Variants in C4orf51 observed in about 807,000 individuals in gnomAD.
C4orf51 encodes the protein uncharacterized protein C4orf51.
A neutral mutation model predicts 25.2 loss-of-function variants in C4orf51; 25 were observed. The ratio of observed to expected loss-of-function variants is 0.99; its 90% CI spans 0.72 to 1.39. The LOEUF (loss-of-function observed/expected upper bound fraction) is 1.39, where lower values mean the gene tolerates loss of function less well. C4orf51 is among the 40% of genes most tolerant of loss of function. C4orf51 has a pLI of 0.00. For synonymous variants in C4orf51, 100 were observed against 84.5 expected, an observed-to-expected ratio of 1.18 and a Z score of -1.01; for missense variants, 252 against 239.6, an observed-to-expected ratio of 1.05 and a Z score of -0.34.
chr4:145,790,666 G>C, the C4orf51 span, among the ~76,000 whole-genome samples: 9 of 152,112 alleles, frequency 5.9e-5, no homozygotes, highest in African/African-American at 2.2e-4. Context: ...TTTTCTTATG[G>C]ACAAGTCTTG....
intron 1 of C4orf51, among the ~76,000 whole-genome samples, chr4:145,744,201 G>A (rs200923449): frequency 2.6e-5 from 4 of 151,962 alleles, no homozygotes; most frequent in African/African-American, 9.7e-5. Context: ...GGGAATCTTG[G>A]GGGGAGAAAT....
chr4:145,751,400 C>T (rs761169704), intron 1 of C4orf51, among the ~76,000 whole-genome samples: 23 of 152,250 alleles, frequency 1.5e-4, no homozygotes, highest in African/African-American at 2.2e-4. Context: ...GTAGAGGTAC[C>T]GCCTTGGTGA....
chr4:145,780,059 CGG>C, the C4orf51 span, among the ~76,000 whole-genome samples: 1 of 152,092 alleles, frequency 6.6e-6, no homozygotes, highest in African/African-American at 2.4e-5. Flanking sequence ...GGCATGGTGG[CGG>C]GTGCCTGTAA....
At chr4:145,788,625 G>A in the C4orf51 span, among the ~76,000 whole-genome samples, 1 of 152,048 alleles carries the variant, frequency 6.6e-6, no homozygotes, top group Non-Finnish European at 1.5e-5. Context: ...CTGTTGTACT[G>A]AACAGCAACC....
intron 1 of C4orf51, among the ~76,000 whole-genome samples, chr4:145,769,679 C>A (rs934293612): frequency 1.3e-5 from 2 of 152,138 alleles, no homozygotes; most frequent in Admixed American, 6.5e-5. Context: ...GGTGCCCTTG[C>A]CAGCCAAGTC....
At position 145,732,648 on chromosome 4, in the gene C4orf51, C is replaced by T. The variant is rs993261132; in HGVS notation, c.*88C>T. 2.5e-6 allele frequency: 2 copies of T among 811,688 alleles called. No homozygotes were observed. The highest frequency in any genetic ancestry group is 3.9e-6 in the Non-Finnish European group (2 of 507,706). The allele number at this position is 811,688 out of a possible 1,614,324, so 50.3% of individuals were successfully genotyped here. A position where few individuals can be genotyped will look rare whatever the true frequency, so the allele number is the denominator to read the frequency against. On this transcript the variant is annotated 3_prime_UTR_variant, in exon 6 of 6. Coordinates refer to ENST00000438731, the MANE Select transcript of C4orf51 (RefSeq NM_001080531.3). ...TGGGGCCCTCCCAACACCCTCCCCC[C>T]ACCCGCCCCGCCCAGGAACGTCTGG...
Position 145,765,748 on chromosome 4 carries a change from A to C in C4orf51, n.167-5240A>C, listed in dbSNP as rs1392121620. On this transcript the variant is annotated intron_variant and non_coding_transcript_variant, in intron 1 of 1. Coordinates refer to the C4orf51 transcript ENST00000510096. The surrounding 1 kb of genome is among the most constrained non-coding windows in gnomAD (Gnocchi z 4.7). ...GTCTTCCTGTCTTCCCCTGAAAAAT[A>C]AGCAAATAACCCAGTCTGTTAATGA... 6.2e-7 allele frequency: 1 copy of C among 1,612,250 alleles called. No homozygotes were observed. Among genetic ancestry groups the C allele is most frequent in the South Asian group, 1.1e-5 (1 of 90,744 alleles).
In C4orf51 at chr4:145,693,015, CTGT is replaced by C. The variant is rs1464899316; in HGVS notation, c.234-3542_234-3540del. 2.0e-4 allele frequency among the ~76,000 whole-genome samples: 11 copies of C among 55,530 alleles called. No homozygotes were observed. The East Asian group carries it at 3.6e-3, about 18-fold the overall frequency. 36.4% of individuals were successfully genotyped at this position (55,530 alleles called of 152,430 possible). A position where few individuals can be genotyped will look rare whatever the true frequency, so the allele number is the denominator to read the frequency against. ...TCAGGTGAAATGAACAATTTTTCACCTGTTTTTTTTTTTTTTTTTATTAAATTT... is the reference window on the plus strand; with the variant it reads ...TCAGGTGAAATGAACAATTTTTCACCTTTTTTTTTTTTTTTTATTAAATTT... On this transcript the variant is annotated intron_variant, in intron 1 of 5. Coordinates refer to ENST00000438731, the MANE Select transcript of C4orf51 (RefSeq NM_001080531.3).
chr4:145,738,450 G>A (rs577630827), intron 1 of C4orf51, among the ~76,000 whole-genome samples: 3,994 of 89,304 alleles, frequency 0.045, 147 homozygotes, highest in African/African-American at 0.12. Flanking sequence ...ACTCTATCTC[G>A]AAAAAAAACA....
At chr4:145,682,501 G>A (rs1444576164) in intron 1 of C4orf51, among the ~76,000 whole-genome samples, 5 of 152,124 alleles carry the variant, frequency 3.3e-5, no homozygotes, top group Middle Eastern at 3.2e-3. Context: ...GAATTACTGG[G>A]ACAAAACATA....
At chr4:145,764,847 A>G in intron 1 of C4orf51, 1 of 1,098,568 alleles carries the variant, frequency 9.1e-7, no homozygotes, top group Non-Finnish European at 1.4e-6. Context: ...TAAAGGCAGC[A>G]GGGGTTCCTG....
At chr4:145,705,403 G>A (rs1730739702) in intron 2 of C4orf51, among the ~76,000 whole-genome samples, 2 of 151,948 alleles carry the variant, frequency 1.3e-5, no homozygotes, top group South Asian at 4.2e-4. Context: ...TATGTGTGGT[G>A]AGATTGGAAG....
At position 145,680,413 on chromosome 4, in the gene C4orf51, A is replaced by G; in HGVS notation, c.210A>G (p.Gly70=). The G allele has an allele frequency of 6.2e-7, 1 of 1,613,830 alleles. No individual in the cohort carries two copies. Among genetic ancestry groups the G allele is most frequent in the South Asian group, 1.1e-5 (1 of 91,060 alleles). The change falls in exon 1 of 6, where the codon GGA becomes GGG. Residue 70 remains glycine, a synonymous_variant. Transcript: ENST00000438731. ...SMCSQFSFRA[G]QHEPECKQMS... ...GCAGCCAATTTTCTTTTAGAGCAGG[A>G]CAGCATGAGCCTGAGTGTAAACAGT... is the stretch of plus-strand genomic sequence containing the variant.
At chr4:145,682,930 G>A (rs1728921655) in intron 1 of C4orf51, among the ~76,000 whole-genome samples, 1 of 151,420 alleles carries the variant, frequency 6.6e-6, no homozygotes, top group African/African-American at 2.4e-5. Context: ...ATACAAATTG[G>A]GAACAAATAA....
intron 1 of C4orf51, among the ~76,000 whole-genome samples, chr4:145,682,696 A>C (rs34560861): frequency 0.1 from 15,232 of 152,252 alleles, 962 homozygotes; most frequent in Admixed American, 0.18. Flanking sequence ...AACCGCAGAT[A>C]TGTAAATTTA....
At chr4:145,760,907 A>G (rs1233371181) in intron 1 of C4orf51, 44 of 1,233,656 alleles carry the variant, frequency 3.6e-5, no homozygotes, top group East Asian at 5.7e-5. Context: ...TTCTTGGGGT[A>G]TAACATTGTC....
downstream of C4orf51, among the ~76,000 whole-genome samples, chr4:145,737,613 A>G (rs529801519): frequency 1.3e-5 from 2 of 152,198 alleles, no homozygotes; most frequent in African/African-American, 4.8e-5. Flanking sequence ...GTCTGAGAAG[A>G]TATTTTGCTC....
intron 1 of C4orf51, among the ~76,000 whole-genome samples, chr4:145,740,883 A>C (rs975613354): frequency 6.6e-6 from 1 of 152,200 alleles, no homozygotes; most frequent in African/African-American, 2.4e-5. Flanking sequence ...AGATTATTTC[A>C]TTTCTATCTC....
At chr4:145,756,715 A>AC (rs546527538), downstream of C4orf51, among the ~76,000 whole-genome samples, 2 of 152,232 alleles carry the variant, frequency 1.3e-5, no homozygotes, top group Non-Finnish European at 2.9e-5. Context: ...AACACCAGCC[A>AC]CCTCAACACA....
Sources: allele counts gnomAD v4.1 joint callset (sites outside exome capture counted in the v4.1 genomes callset), GRCh38; gene constraint gnomAD v4.1.1; non-coding constraint Gnocchi (gnomAD v3.1); transcripts MANE v1.5; gene names NCBI Gene and HGNC (gene_info 2026-07-23, HGNC 2026-07-21).